The following ESCO2 variants were observed in gnomAD, a reference collection of about 807,000 sequenced individuals.
ESCO2 encodes establishment of sister chromatid cohesion N-acetyltransferase 2, also known as N-acetyltransferase ESCO2.
Under a neutral mutation model 61.7 loss-of-function variants are expected in ESCO2, and 51 were observed. The observed-to-expected ratio is 0.83, with a 90% CI of 0.66 to 1.04. The LOEUF (loss-of-function observed/expected upper bound fraction) is 1.04. ESCO2 is among the 50% of genes least tolerant of loss of function. The pLI is 0.00. For synonymous variants in ESCO2, 230 were observed against 238.2 expected, an observed-to-expected ratio of 0.97 and a Z score of 0.32; for missense variants, 692 against 686.2, an observed-to-expected ratio of 1.01 and a Z score of -0.09.
At chr8:27,780,682 G>A (rs1407724754) in intron 4 of ESCO2, among the ~76,000 whole-genome samples, 1 of 152,180 alleles carries the variant, frequency 6.6e-6, no homozygotes, top group Non-Finnish European at 1.5e-5. Flanking sequence ...CTGAAATTAA[G>A]CATCAAGAAC....
intron 10 of ESCO2, among the ~76,000 whole-genome samples, chr8:27,800,580 T>A (rs1337717291): frequency 6.6e-6 from 1 of 152,160 alleles, no homozygotes; most frequent in Non-Finnish European, 1.5e-5. Context: ...GTTAAACTGT[T>A]ATGTGACCTA....
chr8:27,784,364 T>C (rs1804990857), intron 5 of ESCO2, among the ~76,000 whole-genome samples: 1 of 152,188 alleles, frequency 6.6e-6, no homozygotes, highest in South Asian at 2.1e-4. Context: ...CACAACAACT[T>C]AGAAGTTAGA....
At chr8:27,793,420 T>TA (rs1182006011) in intron 9 of ESCO2, among the ~76,000 whole-genome samples, 2 of 152,048 alleles carry the variant, frequency 1.3e-5, no homozygotes, top group Non-Finnish European at 2.9e-5. Context: ...CTCACATACT[T>TA]ACCAACTTAT....
intron 5 of ESCO2, 127 bp downstream of exon 5, chr8:27,784,184 A>C (rs1585396665): frequency 1.3e-6 from 1 of 769,128 alleles, no homozygotes; most frequent in East Asian, 2.8e-5. Context: ...GGAATAGGAG[A>C]ATAATATTGA....
In ESCO2 at chr8:27,776,544, C is replaced by G; in HGVS notation, c.236C>G (p.Ser79Cys). The G allele has an allele frequency of 6.2e-7, 1 of 1,614,136 alleles. No individual in the cohort carries two copies. Among genetic ancestry groups the G allele is most frequent in the Non-Finnish European group, 8.5e-7 (1 of 1,180,018 alleles). The change falls in exon 3 of 11, where the codon TCT (serine) becomes TGT (cysteine). Residue 79 changes from serine to cysteine, a missense_variant. Transcript: ENST00000305188. ...PSANQGSPFKSALSTVSFYNQ... is the reference protein window; with the variant it reads ...PSANQGSPFKCALSTVSFYNQ... ...GCAAATCAAGGCTCACCATTTAAAT[C>G]TGCGCTCTCCACTGTATCTTTTTAC... is the stretch of plus-strand genomic sequence containing the variant.
upstream of ESCO2, among the ~76,000 whole-genome samples, chr8:27,772,856 C>CT (rs1804684419): frequency 6.6e-6 from 1 of 152,166 alleles, no homozygotes; most frequent in Non-Finnish European, 1.5e-5. Flanking sequence ...GCAGCTAACT[C>CT]ACAGGATATT....
At chr8:27,778,028 A>T (rs1310313095) in intron 3 of ESCO2, 1 of 152,164 alleles carries the variant, frequency 6.6e-6, no homozygotes, top group East Asian at 1.9e-4. Flanking sequence ...ACCAAATCTC[A>T]CCCATAAATG....
chr8:27,793,292 C>T (rs192910359), intron 9 of ESCO2, among the ~76,000 whole-genome samples: 162 of 152,028 alleles, frequency 1.1e-3, no homozygotes, highest in Admixed American at 3.5e-3. Context: ...CCTTTTCCTT[C>T]CCCCTCAGCT....
chr8:27,807,543 A>AT (rs1364794452), downstream of ESCO2, among the ~76,000 whole-genome samples: 1 of 152,166 alleles, frequency 6.6e-6, no homozygotes, highest in African/African-American at 2.4e-5. Context: ...GTGTTCTTGA[A>AT]TAAGATTGGG....
Position 27,784,037 on chromosome 8 carries a change from A to G in ESCO2, c.993A>G (p.Ala331=), listed in dbSNP as rs2128953433. 2 of 1,613,640 alleles carry G rather than the reference A, an allele frequency of 1.2e-6. No homozygotes were observed. Among genetic ancestry groups the G allele is most frequent in the Non-Finnish European group, 1.7e-6 (2 of 1,179,688 alleles). ...PKSTVYPIFS[A]SSVNSKRSLG... ...CCACTGTCTATCCAATCTTCAGTGC[A>G]TCTTCAGTCAATTCAAAAAGGTGAG... Residue 331 remains alanine (A), a synonymous_variant, in exon 5 of 11, where the codon GCA becomes GCG. Coordinates refer to ENST00000305188, the MANE Select transcript of ESCO2 (RefSeq NM_001017420.3).
chr8:27,806,917 T>A (rs189303878), downstream of ESCO2, among the ~76,000 whole-genome samples: 49 of 152,266 alleles, frequency 3.2e-4, no homozygotes, highest in Middle Eastern at 6.8e-3. Flanking sequence ...TGCCCAGCTG[T>A]TACTTTTTTT....
downstream of ESCO2, among the ~76,000 whole-genome samples, chr8:27,813,514 A>G (rs1239395267): frequency 1.3e-5 from 2 of 152,174 alleles, no homozygotes; most frequent in Non-Finnish European, 2.9e-5. Context: ...GGTATAATTA[A>G]CAAATTATAT....
rs1805501317 is a variant in ESCO2 at position 27,803,569 on chromosome 8, C to CACAG, written c.*134_*135insGACA. 1 of 1,465,606 alleles carries CACAG rather than the reference C, an allele frequency of 6.8e-7. No individual in the cohort carries two copies. The highest frequency in any genetic ancestry group is 8.9e-7 in the Non-Finnish European group (1 of 1,117,454). The allele number at this position is 1,465,606 out of a possible 1,614,324, so 90.8% of individuals were successfully genotyped here. ...ACTCATACACACACACACACACACG[C>CACAG]ACACACACATATCACAGTTTTGTTC... On this transcript the variant is annotated 3_prime_UTR_variant, in exon 11 of 11. Coordinates refer to ENST00000305188, the MANE Select transcript of ESCO2 (RefSeq NM_001017420.3).
At chr8:27,792,901 A>G in intron 9 of ESCO2, 90 bp downstream of exon 9, 2 of 1,330,146 alleles carry the variant, frequency 1.5e-6, no homozygotes, top group Non-Finnish European at 1.0e-6. Flanking sequence ...GATTGCTACC[A>G]TTAATGACAC....
chr8:27,791,854 TA>T, intron 7 of ESCO2, 108 bp from the exon 8 acceptor site: 3 of 910,418 alleles, frequency 3.3e-6, no homozygotes, highest in Non-Finnish European at 5.3e-6. Flanking sequence ...TTCTTCTTTT[TA>T]TATCTATTAT....
At chr8:27,809,022 C>CTT (rs1308976784), downstream of ESCO2, among the ~76,000 whole-genome samples, 1 of 152,086 alleles carries the variant, frequency 6.6e-6, no homozygotes, top group African/African-American at 2.4e-5. Flanking sequence ...AAAGCAATGG[C>CTT]TTATGTATTA....
chr8:27,783,613 A>T lies in ESCO2; in HGVS notation c.956-387A>T, dbSNP rs192592034. ...GTTTTATGTTTTTCCTTTATTATTA[A>T]TTTTTTTACAGAGACACAGTCTCAC... On this transcript the variant is annotated intron_variant, in intron 4 of 10. Transcript: ENST00000305188. Among the ~76,000 whole-genome samples the T allele has an allele frequency of 9.5e-3, 1,443 of 151,746 alleles. 26 individuals are homozygous for T. Among genetic ancestry groups the T allele is most frequent in the African/African-American group, 0.033 (1,347 of 41,350 alleles).
chr8:27,779,957 G>A, intron 3 of ESCO2: 1 of 471,294 alleles, frequency 2.1e-6, no homozygotes, highest in Admixed American at 3.4e-5. Context: ...GAGCCACCGG[G>A]CCCTGCTGTA....
chr8:27,810,945 A>G, downstream of ESCO2: 1 of 1,468,688 alleles, frequency 6.8e-7, no homozygotes, highest in South Asian at 1.1e-5. Context: ...TATGTTAGAA[A>G]TTGTATTCAT....
Sources: gnomAD v4.1 joint callset for allele counts (sites outside exome capture counted in the v4.1 genomes callset) on GRCh38, gnomAD v4.1.1 for gene constraint, MANE v1.5 for transcripts, NCBI Gene and HGNC (gene_info 2026-07-23, HGNC 2026-07-21) for gene names.